The following DNAJC15 variants were observed in gnomAD, a reference collection of about 807,000 sequenced individuals.
DNAJC15 encodes DnaJ heat shock protein family (Hsp40) member C15.
A neutral mutation model predicts 22.4 loss-of-function variants in DNAJC15; 27 were observed. The ratio of observed to expected loss-of-function variants is 1.20; its 90% CI spans 0.89 to 1.66. The LOEUF is 1.66. DNAJC15 is among the 40% of genes most tolerant of loss of function. DNAJC15 has a pLI of 0.00. For missense variants in DNAJC15, 208 were observed against 187.1 expected, an observed-to-expected ratio of 1.11 and a Z score of -0.65; for synonymous variants, 79 against 63.2, an observed-to-expected ratio of 1.25 and a Z score of -1.19.
At chr13:43,072,241 G>A (rs910349515) in intron 3 of DNAJC15, among the ~76,000 whole-genome samples, 10 of 152,000 alleles carry the variant, frequency 6.6e-5, no homozygotes, top group Admixed American at 5.9e-4. Context: ...CTGATGTTCT[G>A]GAATTTCACA....
chr13:43,032,382 A>C (rs2040407908), intron 1 of DNAJC15, among the ~76,000 whole-genome samples: 1 of 152,260 alleles, frequency 6.6e-6, no homozygotes, highest in African/African-American at 2.4e-5. Flanking sequence ...TTGAAAGCAC[A>C]GTCTCCTAAA....
intron 1 of DNAJC15, among the ~76,000 whole-genome samples, chr13:43,057,638 G>A (rs2040538146): frequency 6.6e-6 from 1 of 152,170 alleles, no homozygotes; most frequent in African/African-American, 2.4e-5. Context: ...CATTGCTGGT[G>A]AGCTAGTGTG....
In DNAJC15 at chr13:43,110,970, C is replaced by A. The variant is rs907091539; in HGVS notation, c.*3722C>A. 6.6e-6 allele frequency: 1 copy of A among 152,222 alleles called. No homozygotes were observed. The highest frequency in any genetic ancestry group is 1.5e-5 in the Non-Finnish European group (1 of 68,038). The allele number at this position is 152,222 out of a possible 1,614,324, so 9.4% of individuals were successfully genotyped here. On this transcript the variant is annotated 3_prime_UTR_variant, in exon 6 of 6. Transcript: ENST00000379221. ...TTAAGCTCTGTTGATATTGCAGTTTCTGTGCATACTTACATCTTAGATGCA... is the reference window on the plus strand; with the variant it reads ...TTAAGCTCTGTTGATATTGCAGTTTATGTGCATACTTACATCTTAGATGCA...
intron 1 of DNAJC15, among the ~76,000 whole-genome samples, chr13:43,026,155 A>G (rs2040379802): frequency 6.6e-6 from 1 of 152,220 alleles, no homozygotes; most frequent in South Asian, 2.1e-4. Flanking sequence ...ATTTCTGGTA[A>G]AAACTTGAAC....
intron 5 of DNAJC15, among the ~76,000 whole-genome samples, chr13:43,092,056 T>C (rs1473672786): frequency 6.6e-6 from 1 of 152,210 alleles, no homozygotes; most frequent in East Asian, 1.9e-4. Context: ...TACTATTTCT[T>C]GTCTGCCTAC....
At chr13:43,062,281 A>C (rs9562457) in intron 1 of DNAJC15, among the ~76,000 whole-genome samples, 81,494 of 152,040 alleles carry the variant, frequency 0.54, 21,959 homozygotes, top group South Asian at 0.64. Flanking sequence ...TGTGGCCAAA[A>C]AAGAAACAAG....
At chr13:43,101,422 CT>C (rs2040768534) in intron 5 of DNAJC15, among the ~76,000 whole-genome samples, 1 of 152,158 alleles carries the variant, frequency 6.6e-6, no homozygotes, top group South Asian at 2.1e-4. Flanking sequence ...TTATTATTTA[CT>C]TTTATTTCAG....
intron 3 of DNAJC15, among the ~76,000 whole-genome samples, chr13:43,076,922 T>C (rs543533794): frequency 6.6e-6 from 1 of 152,348 alleles, no homozygotes; most frequent in Admixed American, 6.5e-5. Context: ...ACTCTTGACT[T>C]GTAGTTACCA....
At chr13:43,067,655 A>G (rs2040590207) in intron 2 of DNAJC15, among the ~76,000 whole-genome samples, 2 of 152,176 alleles carry the variant, frequency 1.3e-5, no homozygotes, top group South Asian at 4.1e-4. Context: ...TCCAGAGCCA[A>G]ATACAACCAA....
intron 3 of DNAJC15, among the ~76,000 whole-genome samples, chr13:43,071,337 A>C (rs2040608203): frequency 6.6e-6 from 1 of 152,172 alleles, no homozygotes; most frequent in South Asian, 2.1e-4. Context: ...AAGGGAAATG[A>C]TGTGTGTACC....
chr13:43,098,870 A>T (rs1349348722), intron 5 of DNAJC15, among the ~76,000 whole-genome samples: 1 of 152,140 alleles, frequency 6.6e-6, no homozygotes, highest in South Asian at 2.1e-4. Flanking sequence ...TTTGGCTATT[A>T]TGGTCCTTCC....
At chr13:43,096,893 C>T (rs1165708455) in intron 5 of DNAJC15, among the ~76,000 whole-genome samples, 1 of 152,222 alleles carries the variant, frequency 6.6e-6, no homozygotes, top group Non-Finnish European at 1.5e-5. Context: ...ACTAAGCTCT[C>T]CTCCTGACGG....
At chr13:43,030,161 A>G (rs965656258) in intron 1 of DNAJC15, among the ~76,000 whole-genome samples, 1 of 152,184 alleles carries the variant, frequency 6.6e-6, no homozygotes, top group Non-Finnish European at 1.5e-5. Flanking sequence ...AATATCTCCA[A>G]TAACACAGGC....
intron 1 of DNAJC15, among the ~76,000 whole-genome samples, chr13:43,030,411 G>T (rs1478115816): frequency 1.3e-5 from 2 of 152,138 alleles, no homozygotes; most frequent in Non-Finnish European, 2.9e-5. Flanking sequence ...ATTTACCTGT[G>T]TAACAAACCT....
chr13:43,100,528 A>G (rs1364160090), intron 5 of DNAJC15, among the ~76,000 whole-genome samples: 3 of 152,200 alleles, frequency 2.0e-5, no homozygotes, highest in Non-Finnish European at 1.5e-5. Flanking sequence ...CTTTTTTAAC[A>G]TAGACATTTA....
At position 43,073,938 on chromosome 13, in the gene DNAJC15, G is replaced by A. The variant is rs187525333; in HGVS notation, c.235-4674G>A. 1.8e-4 allele frequency among the ~76,000 whole-genome samples: 26 copies of A among 147,358 alleles called. No homozygotes were observed. The East Asian group carries it at 4.7e-3, about 27-fold the overall frequency. On this transcript the variant is annotated intron_variant, in intron 3 of 5. Transcript: ENST00000379221. The stretch of plus-strand genomic sequence containing the variant: ...TCTAATTACCCTTAAATTTTTTTCT[G>A]GGGGAGAAAACCCATCCTTCTTCTT...
At chr13:43,054,337 A>T (rs77305618) in intron 1 of DNAJC15, among the ~76,000 whole-genome samples, 2,683 of 152,206 alleles carry the variant, frequency 0.018, 99 homozygotes, top group East Asian at 0.13. Flanking sequence ...ATCTATGTTC[A>T]TCAGGGATTT....
intron 1 of DNAJC15, among the ~76,000 whole-genome samples, chr13:43,038,693 G>A (rs2040439658): frequency 6.6e-6 from 1 of 151,816 alleles, no homozygotes; most frequent in African/African-American, 2.4e-5. Context: ...TCGGGAAGCT[G>A]AGGCAGGAGA....
chr13:43,025,119 G>A (rs117354978), intron 1 of DNAJC15, among the ~76,000 whole-genome samples: 1 of 151,990 alleles, frequency 6.6e-6, no homozygotes, highest in South Asian at 2.1e-4. Flanking sequence ...ACTGGTCCAG[G>A]ATCATCCCTG....
Sources: allele counts gnomAD v4.1 joint callset (sites outside exome capture counted in the v4.1 genomes callset), GRCh38; gene constraint gnomAD v4.1.1; transcripts MANE v1.5; gene names NCBI Gene and HGNC (gene_info 2026-07-23, HGNC 2026-07-21).